The following DGKI variants were observed in gnomAD, a reference collection of about 807,000 sequenced individuals.
DGKI encodes the protein DAG kinase iota.
A neutral mutation model predicts 147.5 loss-of-function variants in DGKI; 55 were observed. The ratio of observed to expected loss-of-function variants is 0.37; its 90% confidence interval spans 0.30 to 0.47. The LOEUF is 0.47. Ranked by LOEUF, DGKI falls within the 20% of genes least tolerant of loss-of-function variation. The pLI, the probability that DGKI is intolerant of heterozygous loss-of-function variation, is 1.00. For missense variants in DGKI, 1,007 were observed against 1,323.8 expected (o/e 0.76, Z 3.71); for synonymous variants, 469 against 477.1 (o/e 0.98, Z 0.22).
At chr7:137,645,691 T>G (rs1482874694) in intron 5 of DGKI, among the ~76,000 whole-genome samples, 154 bp from the exon 6 acceptor site, 1 of 152,232 alleles carries the variant, frequency 6.6e-6, no homozygotes, top group Non-Finnish European at 1.5e-5. Flanking sequence ...CTCAGCCTCC[T>G]GAATAGTGGG....
At chr7:137,582,642 T>TA (rs1819244668) in intron 14 of DGKI, among the ~76,000 whole-genome samples, 1 of 152,084 alleles carries the variant, frequency 6.6e-6, no homozygotes, top group South Asian at 2.1e-4. Context: ...GCCACACAGA[T>TA]ACACATGGAA....
rs1398221759 is a variant in DGKI at position 137,386,965 on chromosome 7, T to C, written c.*4255A>G. The C allele has an allele frequency of 3.3e-5, 5 of 152,182 alleles. No individual in the cohort carries two copies. The East Asian group carries it at 9.6e-4, about 29-fold the overall frequency. 9.4% of individuals were successfully genotyped at this position (152,182 alleles called of 1,614,324 possible). On this transcript the variant is annotated 3_prime_UTR_variant, in exon 33 of 33. Coordinates refer to ENST00000614521, the MANE Select transcript of DGKI (RefSeq NM_001321708.2). ...TAGTAGTTTTATTTGATGGTTATGA[T>C]GAGCCATTTTAACAAAGTCCCATTT...
rs1419576677 is a variant in DGKI, at chr7:137,397,359, A to G, written c.2957+18T>C. On this transcript the variant is annotated intron_variant, in intron 31 of 32. Coordinates refer to ENST00000614521, the MANE Select transcript of DGKI (RefSeq NM_001321708.2). ...TGAAGAAAATAACCTAGACTATGTA[A>G]TAAAAGGCAACACTCACGTTTCACT... 6.2e-7 allele frequency: 1 copy of G among 1,611,990 alleles called. No individual in the cohort carries two copies. Among genetic ancestry groups the G allele is most frequent in the Non-Finnish European group, 8.5e-7 (1 of 1,178,648 alleles).
At chr7:137,432,464 A>G (rs1239472976) in intron 28 of DGKI, among the ~76,000 whole-genome samples, 2 of 152,160 alleles carry the variant, frequency 1.3e-5, no homozygotes, top group Non-Finnish European at 2.9e-5. Flanking sequence ...TCTCTCTTGC[A>G]CACTTCATCT....
chr7:137,472,010 CAT>C (rs1211742164), intron 23 of DGKI, among the ~76,000 whole-genome samples: 5 of 131,564 alleles, frequency 3.8e-5, no homozygotes, highest in African/African-American at 8.6e-5. Flanking sequence ...TATATACAGA[CAT>C]ATATACATAT....
intron 20 of DGKI, among the ~76,000 whole-genome samples, chr7:137,540,824 G>A (rs1303219420): frequency 8.1e-6 from 1 of 123,002 alleles, no homozygotes; most frequent in Non-Finnish European, 1.8e-5. Flanking sequence ...AACTACTTAG[G>A]CACAAATCTA....
rs367983571 is a variant in DGKI, at chr7:137,656,483, T to C, written c.664A>G (p.Ile222Val). 3.7e-6 allele frequency: 6 copies of C among 1,614,044 alleles called. No homozygotes were observed. Among genetic ancestry groups the C allele is most frequent in the East Asian group, 2.2e-5 (1 of 44,898 alleles). Reference sequence around the variant, plus strand: ...GCTCTTACCTTTTCTAGCTGCTCAATGCAGGCGGTGTGGACGACGATTTTA... The same window carrying C: ...GCTCTTACCTTTTCTAGCTGCTCAACGCAGGCGGTGTGGACGACGATTTTA... ...VCKIVVHTAC[I>V]EQLEKINFRC... The change falls in exon 4 of 33, where the codon ATT becomes GTT. Residue 222 changes from isoleucine (I) to valine (V), a missense_variant. Physicochemically the swap from Ile to Val is conservative, Grantham distance 29. Coordinates refer to ENST00000614521, the MANE Select transcript of DGKI (RefSeq NM_001321708.2).
intron 20 of DGKI, among the ~76,000 whole-genome samples, chr7:137,546,313 GA>G (rs1022653041): frequency 6.6e-6 from 1 of 152,098 alleles, no homozygotes; most frequent in African/African-American, 2.4e-5. Context: ...CCCAAGGAGA[GA>G]AGGCACACAC....
chr7:137,690,787 C>T (rs1823575338), intron 1 of DGKI, among the ~76,000 whole-genome samples: 1 of 151,908 alleles, frequency 6.6e-6, no homozygotes, highest in Admixed American at 6.6e-5. Context: ...CAAATATGAT[C>T]ATTGCTGAGC....
chr7:137,437,847 C>T (rs1462955488), intron 28 of DGKI, among the ~76,000 whole-genome samples: 1 of 151,954 alleles, frequency 6.6e-6, no homozygotes, highest in African/African-American at 2.4e-5. Flanking sequence ...CTTTGTAAGT[C>T]AGTGAAGAAA....
At chr7:137,425,796 TC>T (rs1191398824) in intron 28 of DGKI, among the ~76,000 whole-genome samples, 1 of 152,044 alleles carries the variant, frequency 6.6e-6, no homozygotes, top group Non-Finnish European at 1.5e-5. Context: ...AGAAAGGGTA[TC>T]AGTGATGGAA....
At chr7:137,722,214 T>C in intron 1 of DGKI, 1 of 1,600,962 alleles carries the variant, frequency 6.2e-7, no homozygotes. Context: ...ACTCAGCCGC[T>C]AAATCCAAGG....
chr7:137,808,481 AGT>A (rs1797451563), intron 1 of DGKI, among the ~76,000 whole-genome samples: 1 of 152,196 alleles, frequency 6.6e-6, no homozygotes, highest in African/African-American at 2.4e-5. Flanking sequence ...TGCCTCATAA[AGT>A]GTGCTTCTCA....
intron 3 of DGKI, among the ~76,000 whole-genome samples, chr7:137,666,593 G>A (rs138206535): frequency 1.3e-5 from 2 of 152,274 alleles, no homozygotes; most frequent in South Asian, 2.1e-4. Context: ...CAAGCATGGC[G>A]AAGGGCCTGA....
chr7:137,626,984 A>G (rs899341136), intron 6 of DGKI, among the ~76,000 whole-genome samples: 4 of 152,114 alleles, frequency 2.6e-5, no homozygotes, highest in Non-Finnish European at 5.9e-5. Flanking sequence ...TCTTCCCACC[A>G]ATTTTCTGAC....
chr7:137,511,022 C>T (rs1351197456), intron 21 of DGKI, among the ~76,000 whole-genome samples: 2 of 152,210 alleles, frequency 1.3e-5, no homozygotes, highest in African/African-American at 4.8e-5. Flanking sequence ...CTGAGAAAGA[C>T]TGTTTTCCAC....
intron 28 of DGKI, among the ~76,000 whole-genome samples, chr7:137,419,733 A>G (rs1257620123): frequency 1.3e-5 from 2 of 152,224 alleles, no homozygotes; most frequent in Non-Finnish European, 2.9e-5. Context: ...AAAAGAATGA[A>G]TTATATAAAT....
intron 28 of DGKI, among the ~76,000 whole-genome samples, chr7:137,441,185 C>T (rs978423250): frequency 2.6e-5 from 4 of 151,998 alleles, no homozygotes; most frequent in Admixed American, 2.6e-4. Flanking sequence ...CTTTGGGAGG[C>T]CGAGGTGGGC....
chr7:137,714,397 T>C (rs1418554774), intron 1 of DGKI, among the ~76,000 whole-genome samples: 1 of 152,246 alleles, frequency 6.6e-6, no homozygotes, highest in African/African-American at 2.4e-5. Context: ...GTGCCCATCA[T>C]TGCTACTTTT....
Sources: allele counts gnomAD v4.1 joint callset (sites outside exome capture counted in the v4.1 genomes callset), GRCh38; gene constraint gnomAD v4.1.1; transcripts MANE v1.5; gene names NCBI Gene and HGNC (gene_info 2026-07-23, HGNC 2026-07-21).